AGBL4: variants seen among roughly 807,000 people sequenced by gnomAD.
AGBL4 encodes AGBL carboxypeptidase 4.
AGBL4 carries 58 observed loss-of-function variants against 66.4 expected under a neutral mutation model. The ratio of observed to expected loss-of-function variants is 0.87; its 90% CI spans 0.71 to 1.09. The LOEUF (loss-of-function observed/expected upper bound fraction) is 1.09, where lower values mean the gene tolerates loss of function less well. Among genes scored for constraint, AGBL4 ranks in the 50% least tolerant of loss-of-function variants. The pLI, the probability that AGBL4 is intolerant of heterozygous loss-of-function variation, is 0.00. For synonymous variants in AGBL4, 234 were observed against 222.9 expected (o/e 1.05, Z -0.44); for missense variants, 579 against 631.0 (o/e 0.92, Z 0.88).
chr1:48,691,532 G>C (rs1047543309), intron 6 of AGBL4, among the ~76,000 whole-genome samples: 12 of 152,168 alleles, frequency 7.9e-5, no homozygotes, highest in Non-Finnish European at 1.8e-4. Context: ...GAATGAGAAT[G>C]TTCGCTCAGG....
chr1:49,331,312 G>C (rs1374489906), intron 3 of AGBL4, among the ~76,000 whole-genome samples: 1 of 152,040 alleles, frequency 6.6e-6, no homozygotes, highest in Non-Finnish European at 1.5e-5. Flanking sequence ...CCACTTCCAC[G>C]GCACCTCACA....
At chr1:49,409,286 C>T (rs901895179) in intron 3 of AGBL4, among the ~76,000 whole-genome samples, 5 of 152,088 alleles carry the variant, frequency 3.3e-5, no homozygotes, top group African/African-American at 1.2e-4. Context: ...GAGCTAGTGC[C>T]TATTTTTTAA....
chr1:49,609,542 A>T (rs1042896786), intron 3 of AGBL4, among the ~76,000 whole-genome samples: 3 of 152,174 alleles, frequency 2.0e-5, no homozygotes, highest in African/African-American at 7.2e-5. Context: ...TTAAAATCTG[A>T]CAACCTAAGA....
chr1:49,923,687 C>A (rs148578681), intron 1 of AGBL4, among the ~76,000 whole-genome samples: 35 of 151,994 alleles, frequency 2.3e-4, no homozygotes, highest in Admixed American at 5.2e-4. Context: ...AGAACACATA[C>A]AAGTGAACAC....
intron 2 of AGBL4, among the ~76,000 whole-genome samples, chr1:49,795,383 T>C (rs1266612041): frequency 2.0e-5 from 3 of 151,998 alleles, no homozygotes; most frequent in Non-Finnish European, 2.9e-5. Flanking sequence ...TAAGTAAAGG[T>C]ATCTCAATGA....
At chr1:49,017,573 C>T (rs957580887) in intron 5 of AGBL4, among the ~76,000 whole-genome samples, 1 of 152,154 alleles carries the variant, frequency 6.6e-6, no homozygotes, top group Non-Finnish European at 1.5e-5. Context: ...TCTCTATCTA[C>T]TTCCAAAAAA....
intron 8 of AGBL4, among the ~76,000 whole-genome samples, chr1:48,650,741 C>G (rs906548213): frequency 6.6e-6 from 1 of 152,102 alleles, no homozygotes; most frequent in Non-Finnish European, 1.5e-5. Flanking sequence ...TTTCAGAAAC[C>G]ATAACACTGG....
chr1:49,266,336 G>C (rs1194437765), intron 3 of AGBL4: 1 of 151,664 alleles, frequency 6.6e-6, no homozygotes. Context: ...AGAAGAAAAA[G>C]ATCTTTCAGG....
chr1:49,972,555 G>A (rs1658218488), intron 1 of AGBL4, among the ~76,000 whole-genome samples: 1 of 152,154 alleles, frequency 6.6e-6, no homozygotes, highest in South Asian at 2.1e-4. Context: ...GCCAAGATGG[G>A]AGGATTGCTT....
chr1:49,426,537 T>G (rs558921967), intron 3 of AGBL4, among the ~76,000 whole-genome samples: 133 of 151,844 alleles, frequency 8.8e-4, no homozygotes, highest in African/African-American at 3.1e-3. Flanking sequence ...AGCTTCTGCC[T>G]ATTTAATACT....
chr1:49,204,585 A>G (rs1324871246), intron 4 of AGBL4, among the ~76,000 whole-genome samples: 1 of 152,142 alleles, frequency 6.6e-6, no homozygotes, highest in Non-Finnish European at 1.5e-5. Context: ...TAGTCCCAAG[A>G]TAAGGGAAAT....
intron 6 of AGBL4, among the ~76,000 whole-genome samples, chr1:48,740,924 A>G (rs1649817985): frequency 6.6e-6 from 1 of 152,244 alleles, no homozygotes; most frequent in Admixed American, 6.5e-5. Context: ...AAACCAGGTT[A>G]GTCTTATAGC....
intron 4 of AGBL4, among the ~76,000 whole-genome samples, chr1:49,143,393 T>A (rs1052869589): frequency 6.6e-6 from 1 of 152,180 alleles, no homozygotes; most frequent in Admixed American, 6.5e-5. Flanking sequence ...AATGGCTACC[T>A]CATCTTCAGT....
chr1:49,130,756 C>T (rs543925438), intron 4 of AGBL4, among the ~76,000 whole-genome samples: 34 of 152,120 alleles, frequency 2.2e-4, no homozygotes, highest in Admixed American at 9.2e-4. Context: ...GTGATGCCTC[C>T]AGCTTTGTTC....
intron 1 of AGBL4, among the ~76,000 whole-genome samples, chr1:49,928,286 C>T (rs1236499059): frequency 6.6e-6 from 1 of 152,116 alleles, no homozygotes; most frequent in Non-Finnish European, 1.5e-5. Context: ...GAGTCTCACT[C>T]TGTCGCCAGG....
At chr1:49,767,516 C>T (rs1461467780) in intron 2 of AGBL4, among the ~76,000 whole-genome samples, 1 of 151,650 alleles carries the variant, frequency 6.6e-6, no homozygotes, top group African/African-American at 2.4e-5. Flanking sequence ...AGATAAGTCA[C>T]AAATGAACAA....
intron 9 of AGBL4, among the ~76,000 whole-genome samples, chr1:48,620,349 T>C (rs1024292389): frequency 2.6e-5 from 4 of 152,180 alleles, no homozygotes; most frequent in Non-Finnish European, 2.9e-5. Flanking sequence ...TAGTTCACTG[T>C]AGCCTCAAAC....
At chr1:48,957,359 T>A (rs953149424) in intron 5 of AGBL4, among the ~76,000 whole-genome samples, 1 of 152,212 alleles carries the variant, frequency 6.6e-6, no homozygotes, top group African/African-American at 2.4e-5. Context: ...ATGTGTATGA[T>A]CTGACCAAAT....
chr1:49,215,492 C>T (rs1649015851), intron 4 of AGBL4, among the ~76,000 whole-genome samples: 1 of 152,022 alleles, frequency 6.6e-6, no homozygotes, highest in South Asian at 2.1e-4. Flanking sequence ...TGTAAACTGC[C>T]AAAGACCTGC....
Sources: gnomAD v4.1 joint callset for allele counts (sites outside exome capture counted in the v4.1 genomes callset) on GRCh38, gnomAD v4.1.1 for gene constraint, MANE v1.5 for transcripts, NCBI Gene and HGNC (gene_info 2026-07-23, HGNC 2026-07-21) for gene names.